Variants in TBC1D13 observed in about 807,000 individuals in gnomAD.
TBC1D13 encodes the protein epididymis secretory sperm binding protein.
Under a neutral mutation model 53.6 loss-of-function variants are expected in TBC1D13, and 40 were observed. The ratio of observed to expected loss-of-function variants is 0.75; its 90% confidence interval spans 0.58 to 0.97. The LOEUF (loss-of-function observed/expected upper bound fraction) is 0.97. TBC1D13 is among the 50% of genes least tolerant of loss of function. The pLI is 0.00. For synonymous variants in TBC1D13, 182 were observed against 197.7 expected, an observed-to-expected ratio of 0.92 and a Z score of 0.67; for missense variants, 377 against 499.4, an observed-to-expected ratio of 0.75 and a Z score of 2.34.
At chr9:128,800,367 C>CTTTTTTTTTT (rs780656078) in intron 7 of TBC1D13, among the ~76,000 whole-genome samples, 3 of 106,720 alleles carry the variant, frequency 2.8e-5, no homozygotes, top group African/African-American at 8.4e-5. Context: ...TATCTTCCAA[C>CTTTTTTTTTT]TTTTTTTTTT....
intron 9 of TBC1D13, 100 bp downstream of exon 9, chr9:128,804,219 G>A (rs1386576218): frequency 2.9e-6 from 4 of 1,383,672 alleles, no homozygotes; most frequent in Non-Finnish European, 3.9e-6. Context: ...CTGGGGGTCA[G>A]AAGTAGCTGC....
rs1009822008 is a variant in TBC1D13 at position 128,809,769 on chromosome 9, G to C, written c.*1890G>C. 6.6e-6 allele frequency: 1 copy of C among 152,198 alleles called. No homozygotes were observed. The highest frequency in any genetic ancestry group is 2.4e-5 in the African/African-American group (1 of 41,430). 9.4% of individuals were successfully genotyped at this position (152,198 alleles called of 1,614,324 possible). ...TTTCGAGCAGGTCCTGGCTGAGCGG[G>C]CTCTGAGTTCTGTACTGGAATTGAG... On this transcript the variant is annotated 3_prime_UTR_variant, in exon 12 of 12. Coordinates refer to ENST00000372648, the MANE Select transcript of TBC1D13 (RefSeq NM_018201.5).
chr9:128,797,820 G>A (rs965685104), intron 7 of TBC1D13, among the ~76,000 whole-genome samples: 1 of 151,914 alleles, frequency 6.6e-6, no homozygotes, highest in Non-Finnish European at 1.5e-5. Context: ...TAAAAATTAA[G>A]AAAACGGCCA....
chr9:128,800,098 G>A (rs980705882), intron 7 of TBC1D13, among the ~76,000 whole-genome samples: 8 of 152,204 alleles, frequency 5.3e-5, no homozygotes, highest in African/African-American at 9.6e-5. Flanking sequence ...GCATGTGTGC[G>A]CATACATATG....
At chr9:128,789,316 CA>C (rs10648259) in intron 2 of TBC1D13, among the ~76,000 whole-genome samples, 5 of 83,396 alleles carry the variant, frequency 6.0e-5, no homozygotes, top group Non-Finnish European at 6.3e-5. Context: ...AGCTCCATCT[CA>C]AAAAAAAAAA....
Position 128,791,492 on chromosome 9 carries a change from G to A in TBC1D13, c.200+51G>A, listed in dbSNP as rs759692421. The A allele has an allele frequency of 2.2e-5, 35 of 1,609,056 alleles. No individual in the cohort carries two copies. In the South Asian group the frequency reaches 2.4e-4, roughly 11 times the overall value. On this transcript the variant is annotated intron_variant, in intron 4 of 11. Transcript: ENST00000372648. Reference sequence around the variant, plus strand: ...CAGGAGGGCCCTTGCATGTGACAGAGCCAGTACCGCTGGGGCCGCCCTGCC... The same window carrying A: ...CAGGAGGGCCCTTGCATGTGACAGAACCAGTACCGCTGGGGCCGCCCTGCC...
Position 128,795,055 on chromosome 9 carries a change from AT to A in TBC1D13, c.384-1987del, listed in dbSNP as rs201211229. Among the ~76,000 whole-genome samples the A allele has an allele frequency of 9.6e-3, 1,390 of 144,114 alleles. 24 individuals are homozygous for A. The highest frequency in any genetic ancestry group is 0.029 in the African/African-American group (1,154 of 39,778). 94.5% of individuals were successfully genotyped at this position (144,114 alleles called of 152,430 possible). A position where few individuals can be genotyped will look rare whatever the true frequency, so the allele number is the denominator to read the frequency against. On this transcript the variant is annotated intron_variant, in intron 6 of 11. Coordinates refer to ENST00000372648, the MANE Select transcript of TBC1D13 (RefSeq NM_018201.5). Reference sequence around the variant, plus strand: ...ACCCTGTGTTTGTGCATGTTAGATAATTTTTTTTTTTTTGAGATAGGGTCTT... The same window carrying A: ...ACCCTGTGTTTGTGCATGTTAGATAATTTTTTTTTTTTGAGATAGGGTCTT...
chr9:128,799,068 G>C (rs966643494), intron 7 of TBC1D13, among the ~76,000 whole-genome samples: 1 of 152,156 alleles, frequency 6.6e-6, no homozygotes, highest in African/African-American at 2.4e-5. Context: ...GCCGATCCAG[G>C]GTTGCAGGTG....
intron 5 of TBC1D13, 74 bp downstream of exon 5, chr9:128,791,767 C>A: frequency 7.6e-7 from 1 of 1,322,280 alleles, no homozygotes; most frequent in Non-Finnish European, 1.1e-6. Context: ...AGGCAAGGGC[C>A]CCTGCATGCC....
At position 128,791,626 on chromosome 9, in the gene TBC1D13, TCATC is replaced by T. The variant is rs1417432479; in HGVS notation, c.236_239del (p.Ile79SerfsTer16). ...TATGCCCAGTTCCTGAGGGAAATGA[TCATC>T]CAGCCTGGCATTGCCAAGGCCAACA... On this transcript the variant is annotated frameshift_variant, in exon 5 of 12. Transcript: ENST00000372648. LOFTEE classifies it high-confidence loss of function. 2 of 1,614,216 alleles carry T rather than the reference TCATC, an allele frequency of 1.2e-6. No homozygotes were observed. Among genetic ancestry groups the T allele is most frequent in the Admixed American group, 3.3e-5 (2 of 60,026 alleles).
chr9:128,805,355 T>C (rs1829812721), intron 9 of TBC1D13, among the ~76,000 whole-genome samples: 1 of 152,194 alleles, frequency 6.6e-6, no homozygotes. Flanking sequence ...AGTATGCTTT[T>C]GCTGTTTTGT....
chr9:128,797,776 G>A (rs956694899), intron 7 of TBC1D13, among the ~76,000 whole-genome samples: 7 of 152,204 alleles, frequency 4.6e-5, no homozygotes, highest in Non-Finnish European at 7.4e-5. Flanking sequence ...GCCCTCCAGC[G>A]TGGGTGACAG....
intron 6 of TBC1D13, among the ~76,000 whole-genome samples, chr9:128,796,478 C>T (rs896808181): frequency 2.0e-5 from 3 of 151,840 alleles, no homozygotes; most frequent in East Asian, 1.9e-4. Flanking sequence ...CTCAAACTCC[C>T]GACCTCAGGT....
rs977764689 is a variant in TBC1D13 at position 128,808,337 on chromosome 9, C to T, written c.*458C>T. 4 of 214,814 alleles carry T rather than the reference C, an allele frequency of 1.9e-5. No homozygotes were observed. Among genetic ancestry groups the T allele is most frequent in the Non-Finnish European group, 3.8e-5 (4 of 104,174 alleles). 13.3% of individuals were successfully genotyped at this position (214,814 alleles called of 1,614,324 possible). Reference sequence around the variant, plus strand: ...GGCGACACTGAAAGCTGAGTCCTGCCGTCTGTCTCACCCACAGATGTCTGT... The same window carrying T: ...GGCGACACTGAAAGCTGAGTCCTGCTGTCTGTCTCACCCACAGATGTCTGT... On this transcript the variant is annotated 3_prime_UTR_variant, in exon 12 of 12. Coordinates refer to ENST00000372648, the MANE Select transcript of TBC1D13 (RefSeq NM_018201.5).
At chr9:128,790,903 T>C (rs1258236239) in intron 3 of TBC1D13, 128 bp downstream of exon 3, 2 of 919,554 alleles carry the variant, frequency 2.2e-6, no homozygotes, top group Non-Finnish European at 3.2e-6. Flanking sequence ...GGAGCTTTTC[T>C]GGGAAGTCCT....
rs889906139 is a variant in TBC1D13, at chr9:128,808,051, C to T, written c.*172C>T. Reference sequence around the variant, plus strand: ...CTGTGCCGTGCTCCTTCTGCCGCCACGCCCAGCTCCCCACCTGCCCTGCAC... The same window carrying T: ...CTGTGCCGTGCTCCTTCTGCCGCCATGCCCAGCTCCCCACCTGCCCTGCAC... On this transcript the variant is annotated 3_prime_UTR_variant, in exon 12 of 12. Coordinates refer to ENST00000372648, the MANE Select transcript of TBC1D13 (RefSeq NM_018201.5). 1.1e-5 allele frequency: 7 copies of T among 637,892 alleles called. No individual in the cohort carries two copies. The highest frequency in any genetic ancestry group is 2.8e-5 in the East Asian group (1 of 36,158). 39.5% of individuals were successfully genotyped at this position (637,892 alleles called of 1,614,324 possible). A position where few individuals can be genotyped will look rare whatever the true frequency, so the allele number is the denominator to read the frequency against.
In TBC1D13 at chr9:128,792,303, T is replaced by G. The variant is rs141799854; in HGVS notation, c.301-189T>G. Reference sequence around the variant, plus strand: ...AGGCTGGGCTCCCGGCTGTGGAGTTTGAACGGATTCAGGAGGCTGAGGGAA... The same window carrying G: ...AGGCTGGGCTCCCGGCTGTGGAGTTGGAACGGATTCAGGAGGCTGAGGGAA... On this transcript the variant is annotated intron_variant, in intron 5 of 11. Coordinates refer to ENST00000372648, the MANE Select transcript of TBC1D13 (RefSeq NM_018201.5). Among the ~76,000 whole-genome samples, 23 of 152,318 alleles carry G rather than the reference T, an allele frequency of 1.5e-4. No homozygotes were observed. In the East Asian group the frequency reaches 3.5e-3, roughly 23 times the overall value.
intron 7 of TBC1D13, among the ~76,000 whole-genome samples, chr9:128,800,163 G>T (rs1452418875): frequency 6.6e-6 from 1 of 152,174 alleles, no homozygotes; most frequent in Non-Finnish European, 1.5e-5. Context: ...TATGCTTCCA[G>T]GATGGCTTCA....
At position 128,791,580 on chromosome 9, in the gene TBC1D13, C is replaced by T. The variant is rs1025559040; in HGVS notation, c.201-14C>T. 3 of 1,613,874 alleles carry T rather than the reference C, an allele frequency of 1.9e-6. No individual in the cohort carries two copies. The highest frequency in any genetic ancestry group is 2.7e-5 in the African/African-American group (2 of 74,946). The stretch of plus-strand genomic sequence containing the variant: ...GGACCGTTGGGAATCATCCTTCTCA[C>T]TTGTCTCCTGCAGGGAGCTGTATGC... On this transcript the variant is annotated splice_polypyrimidine_tract_variant and intron_variant, in intron 4 of 11. Transcript: ENST00000372648.
Sources: gnomAD v4.1 joint callset for allele counts (sites outside exome capture counted in the v4.1 genomes callset) on GRCh38, gnomAD v4.1.1 for gene constraint, MANE v1.5 for transcripts, NCBI Gene and HGNC (gene_info 2026-07-23, HGNC 2026-07-21) for gene names.